ARID1B: variants seen among roughly 807,000 people sequenced by gnomAD.
ARID1B encodes the protein AT-rich interaction domain 1B.
A neutral mutation model predicts 212.3 loss-of-function variants in ARID1B; 30 were observed. That is an observed-to-expected ratio of 0.14 (90% confidence interval 0.11 to 0.19). The LOEUF is 0.19. ARID1B is among the 10% of genes least tolerant of loss of function. The pLI, the probability that ARID1B is intolerant of heterozygous loss-of-function variation, is 1.00. For missense variants in ARID1B, 2,891 were observed against 3,204.0 expected (o/e 0.90, Z 2.36); for synonymous variants, 1,402 against 1,301.7 (o/e 1.08, Z -1.66).
At chr6:156,988,896 A>G (rs566151571) in intron 4 of ARID1B, among the ~76,000 whole-genome samples, 1 of 152,194 alleles carries the variant, frequency 6.6e-6, no homozygotes, top group Non-Finnish European at 1.5e-5. Flanking sequence ...ACAGTTGCAT[A>G]TGTGCGTTCT....
chr6:156,949,389 T>C (rs542275328), intron 4 of ARID1B, among the ~76,000 whole-genome samples: 2 of 152,348 alleles, frequency 1.3e-5, no homozygotes, highest in African/African-American at 2.4e-5. Flanking sequence ...ACATGAGATC[T>C]AAGGTTCATA....
At chr6:157,004,911 T>G (rs919033566) in intron 4 of ARID1B, among the ~76,000 whole-genome samples, 1,259 of 114,880 alleles carry the variant, frequency 0.011, 24 homozygotes, top group Non-Finnish European at 0.016. Flanking sequence ...TTTTTTTTTT[T>G]TTTTTTTTTT....
At chr6:157,136,314 C>G (rs1463627489) in intron 7 of ARID1B, among the ~76,000 whole-genome samples, 1 of 152,070 alleles carries the variant, frequency 6.6e-6, no homozygotes. Flanking sequence ...ATGAGAACAC[C>G]AAAGCCTTGA....
At chr6:156,944,957 G>C (rs1280506374) in intron 4 of ARID1B, among the ~76,000 whole-genome samples, 3 of 138,612 alleles carry the variant, frequency 2.2e-5, no homozygotes, top group South Asian at 4.5e-4. Flanking sequence ...GAGTCTCGCT[G>C]TGTCGCCCAG....
Position 157,174,002 on chromosome 6 carries a change from G to A in ARID1B, c.3236-6G>A, listed in dbSNP as rs368593526. 3.7e-5 allele frequency: 60 copies of A among 1,612,166 alleles called. No individual in the cohort carries two copies. In the East Asian group the frequency reaches 3.8e-4, roughly 10 times the overall value. ...ATCCTAAACTCTTTCTCCTGTTTTC[G>A]ATTAGCATCTGTGGGTCTTGCAGAT... On this transcript the variant is annotated splice_polypyrimidine_tract_variant and splice_region_variant and intron_variant, in intron 9 of 19. Coordinates refer to ENST00000636930, the MANE Select transcript of ARID1B (RefSeq NM_001374828.1).
At chr6:156,928,715 C>T (rs78571944) in intron 3 of ARID1B, among the ~76,000 whole-genome samples, 1,655 of 152,318 alleles carry the variant, frequency 0.011, 25 homozygotes, top group African/African-American at 0.038. Flanking sequence ...GGCCCCTTCA[C>T]CTGGCTTGCC....
chr6:156,826,200 T>C (rs944720407), intron 1 of ARID1B, among the ~76,000 whole-genome samples: 1 of 152,214 alleles, frequency 6.6e-6, no homozygotes, highest in African/African-American at 2.4e-5. Flanking sequence ...AGCACCCTCT[T>C]TCCTCCTGTG....
At chr6:157,052,231 T>C (rs1004373403) in intron 4 of ARID1B, among the ~76,000 whole-genome samples, 1 of 152,350 alleles carries the variant, frequency 6.6e-6, no homozygotes, top group South Asian at 2.1e-4. Flanking sequence ...TCCTCGTATA[T>C]TGTTGAATTA....
intron 4 of ARID1B, among the ~76,000 whole-genome samples, chr6:157,025,251 G>A (rs58036375): frequency 1.3e-5 from 2 of 152,128 alleles, no homozygotes. Flanking sequence ...TGTGTTACAC[G>A]GTGGAAACTA....
At chr6:156,868,183 C>G (rs963731534) in intron 2 of ARID1B, among the ~76,000 whole-genome samples, 1 of 152,204 alleles carries the variant, frequency 6.6e-6, no homozygotes, top group South Asian at 2.1e-4. Context: ...ATTTGTTGAA[C>G]TATTTAGGTA....
intron 4 of ARID1B, among the ~76,000 whole-genome samples, chr6:157,059,330 G>A (rs904473239): frequency 6.6e-6 from 1 of 152,120 alleles, no homozygotes; most frequent in Non-Finnish European, 1.5e-5. Flanking sequence ...CTAGAAAATG[G>A]TTTACAGAAT....
rs1286296169 is a variant in ARID1B, at chr6:157,206,349, A to C, written c.5577A>C (p.Glu1859Asp). 4.3e-6 allele frequency: 7 copies of C among 1,614,208 alleles called. 1 individual carries two copies. In the South Asian group the frequency reaches 7.7e-5, roughly 18 times the overall value. ...DDSGKEEEDA[E>D]CIDDDEEDEE... Reference sequence around the variant, plus strand: ...CTGGGAAAGAGGAGGAAGATGCTGAATGTATTGATGACGACGAGGAAGACG... The same window carrying C: ...CTGGGAAAGAGGAGGAAGATGCTGACTGTATTGATGACGACGAGGAAGACG... The change falls in exon 20 of 20, where the codon GAA becomes GAC. Residue 1859 changes from glutamate to aspartate, a missense_variant. Coordinates refer to ENST00000636930, the MANE Select transcript of ARID1B (RefSeq NM_001374828.1). The surrounding 1 kb of genome is among the most constrained non-coding windows in gnomAD (Gnocchi z 6.8).
At chr6:157,020,381 A>G (rs1270734083) in intron 4 of ARID1B, among the ~76,000 whole-genome samples, 2 of 152,224 alleles carry the variant, frequency 1.3e-5, no homozygotes, top group African/African-American at 2.4e-5. Flanking sequence ...AAACCAGTCC[A>G]TGGGCAGATC....
chr6:157,147,371 G>T (rs867796621), intron 7 of ARID1B, among the ~76,000 whole-genome samples: 2 of 14,150 alleles, frequency 1.4e-4, no homozygotes, highest in Non-Finnish European at 2.2e-4. Context: ...GGCCCTGCCC[G>T]CCAGCCCTCA....
chr6:157,210,178 AC>A lies in ARID1B; in HGVS notation c.*2289del, dbSNP rs1794692475. 8.6e-6 allele frequency: 2 copies of A among 232,296 alleles called. No homozygotes were observed. The highest frequency in any genetic ancestry group is 1.7e-5 in the Non-Finnish European group (2 of 117,468). The allele number at this position is 232,296 out of a possible 1,614,324, so 14.4% of individuals were successfully genotyped here. ...AACAGTCTTCTTACATAACAATGCA[AC>A]CAAATATATGTTGAATTAAAGACCC... On this transcript the variant is annotated 3_prime_UTR_variant, in exon 20 of 20. Coordinates refer to ENST00000636930, the MANE Select transcript of ARID1B (RefSeq NM_001374828.1).
chr6:157,142,348 G>A (rs1258248877), intron 7 of ARID1B, among the ~76,000 whole-genome samples: 3 of 152,124 alleles, frequency 2.0e-5, no homozygotes, highest in Admixed American at 1.3e-4. Context: ...TGACAAAGCC[G>A]GGCACATTGG....
intron 8 of ARID1B, among the ~76,000 whole-genome samples, chr6:157,160,337 TCCATTATCTGC>T (rs1168329606): frequency 6.6e-6 from 1 of 152,196 alleles, no homozygotes; most frequent in African/African-American, 2.4e-5. Context: ...CAGTGACTGC[TCCATTATCTGC>T]CCATCCCACA....
chr6:157,051,473 CA>C lies in ARID1B; in HGVS notation c.2248-33179del, dbSNP rs371389438. The stretch of plus-strand genomic sequence containing the variant: ...ATTTACAATGGATTCTCTTATTAAG[CA>C]AAAAAAAAATGTTAAAGGAATCGTT... On this transcript the variant is annotated intron_variant, in intron 4 of 19. Transcript: ENST00000636930. 2.7e-3 allele frequency among the ~76,000 whole-genome samples: 398 copies of C among 146,408 alleles called. 1 individual carries two copies. Among genetic ancestry groups the C allele is most frequent in the African/African-American group, 8.3e-3 (333 of 40,102 alleles).
chr6:157,067,684 T>G (rs9480425), intron 4 of ARID1B, among the ~76,000 whole-genome samples: 7,306 of 152,306 alleles, frequency 0.048, 260 homozygotes, highest in African/African-American at 0.091. Flanking sequence ...TCCGCATGTG[T>G]GGTCATTGAC....
Sources: gnomAD v4.1 joint callset for allele counts (sites outside exome capture counted in the v4.1 genomes callset) on GRCh38, gnomAD v4.1.1 for gene constraint, Gnocchi (gnomAD v3.1) non-coding constraint, MANE v1.5 for transcripts, NCBI Gene and HGNC (gene_info 2026-07-23, HGNC 2026-07-21) for gene names.